The following ATL2 variants were observed in gnomAD, a reference collection of about 807,000 sequenced individuals.
ATL2 encodes the protein atlastin-2.
In ATL2, 31 loss-of-function variants were observed where a neutral mutation model predicts 73.9. The observed-to-expected ratio is 0.42, with a 90% confidence interval of 0.32 to 0.57. ATL2 has a LOEUF of 0.57. ATL2 is among the 20% of genes least tolerant of loss of function. ATL2 has a pLI of 0.14. For missense variants in ATL2, 738 were observed against 702.6 expected, an observed-to-expected ratio of 1.05 and a Z score of -0.57; for synonymous variants, 291 against 237.5, an observed-to-expected ratio of 1.23 and a Z score of -2.07.
intron 1 of ATL2, chr2:38,359,669 C>T (rs1266772088): frequency 1.3e-5 from 2 of 151,982 alleles, no homozygotes; most frequent in African/African-American, 4.8e-5. Flanking sequence ...ACTTAAAGAA[C>T]ACTAAGGCAA....
In ATL2 at chr2:38,316,933, A is replaced by C. The variant is rs568597806; in HGVS notation, c.604-1599T>G. On this transcript the variant is annotated intron_variant, in intron 4 of 12. Transcript: ENST00000378954. ...TGTGCCATCTTGCAAGATCAGAGAA[A>C]AAAAGAGACTTAGAGGGTCCCCACC... is the stretch of plus-strand genomic sequence containing the variant. Among the ~76,000 whole-genome samples, 3 of 152,234 alleles carry C rather than the reference A, an allele frequency of 2.0e-5. No individual in the cohort carries two copies. In the South Asian group the frequency reaches 6.2e-4, roughly 32 times the overall value.
chr2:38,373,960 C>G (rs1046201022), intron 1 of ATL2, among the ~76,000 whole-genome samples: 1 of 152,138 alleles, frequency 6.6e-6, no homozygotes, highest in Non-Finnish European at 1.5e-5. Context: ...GGCATGATCT[C>G]GGCTCACGGC....
chr2:38,350,273 C>T (rs1368117928), intron 1 of ATL2, among the ~76,000 whole-genome samples: 1 of 152,166 alleles, frequency 6.6e-6, no homozygotes, highest in Admixed American at 6.5e-5. Context: ...TACGCTAGCC[C>T]CCAGATGGGT....
chr2:38,315,443 G>T (rs898418759), intron 4 of ATL2, 109 bp from the exon 5 acceptor site: 1 of 1,143,622 alleles, frequency 8.7e-7, no homozygotes, highest in South Asian at 1.6e-5. Flanking sequence ...TCAGCGCAAA[G>T]GAATCATTTA....
intron 1 of ATL2, among the ~76,000 whole-genome samples, chr2:38,373,609 T>G (rs775026578): frequency 6.6e-6 from 1 of 152,144 alleles, no homozygotes; most frequent in Admixed American, 6.5e-5. Flanking sequence ...TGTCTCAGAG[T>G]AGGTAGTGAA....
At chr2:38,315,149 GCTGAGGCAGGAGA>G in intron 5 of ATL2, 122 bp downstream of exon 5, 1 of 867,556 alleles carries the variant, frequency 1.2e-6, no homozygotes, top group East Asian at 4.0e-5. Context: ...TACTTGGGAG[GCTGAGGCAGGAGA>G]ATCCCTTGAA....
intron 2 of ATL2, among the ~76,000 whole-genome samples, chr2:38,326,660 C>G (rs927833163): frequency 6.6e-6 from 1 of 152,114 alleles, no homozygotes; most frequent in Non-Finnish European, 1.5e-5. Flanking sequence ...TACAGAGGAA[C>G]AAAGATAAGA....
Position 38,300,309 on chromosome 2 carries a change from T to G in ATL2, c.1091A>C (p.Gln364Pro). ...EYFKAYIKIY[Q>P]GEELPHPKSM... is the part of the protein sequence containing the mutation. Reference sequence around the variant, plus strand: ...CTTTGGATGTGGAAGTTCTTCTCCTTGATAGATTTTGATGTAAGCCTAAAA... The same window carrying G: ...CTTTGGATGTGGAAGTTCTTCTCCTGGATAGATTTTGATGTAAGCCTAAAA... The change falls in exon 10 of 13, where the codon CAA becomes CCA. Residue 364 changes from glutamine to proline, a missense_variant. Physicochemically the swap from Gln to Pro is moderately conservative, Grantham distance 76. Transcript: ENST00000378954. 3 of 1,609,188 alleles carry G rather than the reference T, an allele frequency of 1.9e-6. No individual in the cohort carries two copies. The highest frequency in any genetic ancestry group is 2.6e-6 in the Non-Finnish European group (3 of 1,175,864).
chr2:38,325,662 ACACAC>A (rs1668576856), intron 2 of ATL2, among the ~76,000 whole-genome samples: 1 of 4,814 alleles, frequency 2.1e-4, no homozygotes. Context: ...ACACACCAGT[ACACAC>A]ACACACACAC....
chr2:38,311,417 C>G (rs377051581), intron 7 of ATL2, among the ~76,000 whole-genome samples: 1 of 87,708 alleles, frequency 1.1e-5, no homozygotes, highest in East Asian at 2.3e-4. Flanking sequence ...ACAATTTTAA[C>G]AAAATATGCG....
chr2:38,342,918 G>A (rs1669806101), intron 2 of ATL2, among the ~76,000 whole-genome samples: 1 of 145,556 alleles, frequency 6.9e-6, no homozygotes. Context: ...TATTTCTATA[G>A]AATTAAAAAT....
chr2:38,332,138 T>A (rs991205877), intron 2 of ATL2, among the ~76,000 whole-genome samples: 9 of 151,856 alleles, frequency 5.9e-5, no homozygotes, highest in African/African-American at 1.9e-4. Flanking sequence ...TTCCTTCAGG[T>A]TGAGGGTTTG....
intron 2 of ATL2, among the ~76,000 whole-genome samples, chr2:38,329,229 C>T (rs1668840329): frequency 6.7e-6 from 1 of 150,156 alleles, no homozygotes; most frequent in Admixed American, 6.6e-5. Context: ...GAGTTCAAGA[C>T]CAGCCTGGCC....
intron 2 of ATL2, among the ~76,000 whole-genome samples, chr2:38,334,887 A>G (rs1322204616): frequency 1.3e-4 from 4 of 30,874 alleles, no homozygotes; most frequent in Admixed American, 5.2e-4. Context: ...ATTATATAAT[A>G]TATAATATAT....
chr2:38,317,551 A>G (rs1234559441), intron 4 of ATL2, among the ~76,000 whole-genome samples: 3 of 152,202 alleles, frequency 2.0e-5, no homozygotes, highest in Non-Finnish European at 2.9e-5. Context: ...TCCTCAGTTT[A>G]TTATTACATA....
At chr2:38,347,157 C>G (rs1670060376) in intron 1 of ATL2, among the ~76,000 whole-genome samples, 1 of 152,140 alleles carries the variant, frequency 6.6e-6, no homozygotes, top group Non-Finnish European at 1.5e-5. Flanking sequence ...AATAGACAAA[C>G]AAAAGAAGAA....
intron 11 of ATL2, 37 bp downstream of exon 11, chr2:38,299,219 C>G (rs1573420389): frequency 6.9e-7 from 1 of 1,459,620 alleles, no homozygotes; most frequent in East Asian, 2.7e-5. Context: ...TAAAAATCTT[C>G]TCACTCCAGC....
At chr2:38,363,924 G>A (rs1671154661) in intron 1 of ATL2, among the ~76,000 whole-genome samples, 2 of 152,088 alleles carry the variant, frequency 1.3e-5, no homozygotes, top group Non-Finnish European at 2.9e-5. Context: ...TTCTGAAGAC[G>A]GCTGCACCTC....
chr2:38,303,347 A>G (rs553855773), intron 9 of ATL2, among the ~76,000 whole-genome samples: 2 of 152,192 alleles, frequency 1.3e-5, no homozygotes, highest in South Asian at 4.1e-4. Flanking sequence ...CTGGGACTAC[A>G]CGCGTGCGCC....
Sources: allele counts gnomAD v4.1 joint callset (sites outside exome capture counted in the v4.1 genomes callset), GRCh38; gene constraint gnomAD v4.1.1; transcripts MANE v1.5; gene names NCBI Gene and HGNC (gene_info 2026-07-23, HGNC 2026-07-21).